The following CTNNBL1 variants were observed in gnomAD, a reference collection of about 807,000 sequenced individuals.
CTNNBL1 encodes the protein catenin beta like 1, also known as beta-catenin-like protein 1.
In CTNNBL1, 31 loss-of-function variants were observed where a neutral mutation model predicts 72.7. The observed-to-expected ratio is 0.43, with a 90% CI of 0.32 to 0.58. The LOEUF is 0.58. CTNNBL1 is among the 20% of genes least tolerant of loss of function. The pLI, the probability that CTNNBL1 is intolerant of heterozygous loss-of-function variation, is 0.08. For missense variants in CTNNBL1, 534 were observed against 725.1 expected, an observed-to-expected ratio of 0.74 and a Z score of 3.03; for synonymous variants, 240 against 267.3, an observed-to-expected ratio of 0.90 and a Z score of 1.00.
intron 1 of CTNNBL1, among the ~76,000 whole-genome samples, chr20:37,696,083 C>G (rs1600425756): frequency 6.6e-6 from 1 of 152,188 alleles, no homozygotes; most frequent in South Asian, 2.1e-4. Context: ...CCCATTAAAG[C>G]TAGAAGAGTT....
chr20:37,697,412 G>A (rs192014917), intron 1 of CTNNBL1, among the ~76,000 whole-genome samples: 3 of 152,324 alleles, frequency 2.0e-5, no homozygotes, highest in East Asian at 3.9e-4. Context: ...GAGGCAGCAA[G>A]AACAGCAAGT....
chr20:37,725,534 G>T (rs190816981), intron 1 of CTNNBL1, among the ~76,000 whole-genome samples: 2 of 788 alleles, frequency 2.5e-3, no homozygotes, highest in Non-Finnish European at 3.7e-3. Context: ...AAACTCAGGT[G>T]ATCTGCCTGC....
At chr20:37,760,824 G>T (rs2122652688) in intron 5 of CTNNBL1, among the ~76,000 whole-genome samples, 1 of 152,284 alleles carries the variant, frequency 6.6e-6, no homozygotes, top group Non-Finnish European at 1.5e-5. Context: ...GGTTAAAATT[G>T]TATGTATCAT....
intron 15 of CTNNBL1, among the ~76,000 whole-genome samples, chr20:37,860,613 A>G (rs188053401): frequency 3.5e-4 from 53 of 152,366 alleles, no homozygotes; most frequent in Non-Finnish European, 6.5e-4. Flanking sequence ...AATTTTTTAA[A>G]AAAGCAAAAC....
intron 1 of CTNNBL1, among the ~76,000 whole-genome samples, chr20:37,704,610 C>T (rs1326959129): frequency 6.6e-6 from 1 of 151,768 alleles, no homozygotes; most frequent in Non-Finnish European, 1.5e-5. Context: ...ACTGGGGATG[C>T]TGAAGTGGGA....
intron 11 of CTNNBL1, among the ~76,000 whole-genome samples, chr20:37,810,342 T>A (rs776611617): frequency 1.3e-5 from 2 of 152,190 alleles, no homozygotes; most frequent in Non-Finnish European, 2.9e-5. Context: ...TATAACAACC[T>A]TCTCGCAGTA....
intron 13 of CTNNBL1, among the ~76,000 whole-genome samples, chr20:37,846,690 A>T (rs1485999715): frequency 6.6e-6 from 1 of 152,020 alleles, no homozygotes; most frequent in Non-Finnish European, 1.5e-5. Context: ...GTTTTGCATG[A>T]CTTGACTCTT....
intron 11 of CTNNBL1, among the ~76,000 whole-genome samples, chr20:37,825,798 C>A (rs1284743395): frequency 6.6e-6 from 1 of 152,206 alleles, no homozygotes; most frequent in Non-Finnish European, 1.5e-5. Flanking sequence ...TCTCTGAGTT[C>A]CTCAAGTCGC....
chr20:37,844,390 A>G (rs990561593), intron 13 of CTNNBL1, among the ~76,000 whole-genome samples: 6 of 152,196 alleles, frequency 3.9e-5, no homozygotes, highest in African/African-American at 1.4e-4. Flanking sequence ...GTTTTCCCTC[A>G]TTCCCTCAGG....
chr20:37,831,002 C>G (rs2072204309), intron 11 of CTNNBL1, among the ~76,000 whole-genome samples: 1 of 152,184 alleles, frequency 6.6e-6, no homozygotes, highest in Non-Finnish European at 1.5e-5. Context: ...CCATTTATCC[C>G]TGACTCCAAG....
Sources: allele counts gnomAD v4.1 joint callset (sites outside exome capture counted in the v4.1 genomes callset), GRCh38; gene constraint gnomAD v4.1.1; transcripts MANE v1.5; gene names NCBI Gene and HGNC (gene_info 2026-07-23, HGNC 2026-07-21).